The following ECT2 variants were observed in gnomAD, a reference collection of about 807,000 sequenced individuals.
ECT2 encodes the protein protein ECT2.
ECT2 carries 61 observed loss-of-function variants against 116.9 expected under a neutral mutation model. That is an observed-to-expected ratio of 0.52 (90% CI 0.42 to 0.65). The LOEUF (loss-of-function observed/expected upper bound fraction) is 0.65. Among genes scored for constraint, ECT2 ranks in the 30% least tolerant of loss-of-function variants. ECT2 has a pLI of 0.00. For missense variants in ECT2, 937 were observed against 1,078.7 expected (o/e 0.87, Z 1.84); for synonymous variants, 358 against 346.4 (o/e 1.03, Z -0.37).
intron 18 of ECT2, among the ~76,000 whole-genome samples, chr3:172,789,057 C>CA (rs71162310): frequency 0.62 from 61,501 of 99,442 alleles, 18,497 homozygotes; most frequent in East Asian, 0.71. Flanking sequence ...GACTCTGTCT[C>CA]AAAAAAAAAA....
intron 14 of ECT2, among the ~76,000 whole-genome samples, chr3:172,776,069 G>GA (rs1260567579): frequency 6.6e-6 from 1 of 152,022 alleles, no homozygotes; most frequent in Non-Finnish European, 1.5e-5. Flanking sequence ...TCTTAATTTA[G>GA]AAAATCATAT....
intron 18 of ECT2, among the ~76,000 whole-genome samples, chr3:172,788,220 T>C (rs1429990708): frequency 2.6e-5 from 4 of 152,204 alleles, no homozygotes; most frequent in Non-Finnish European, 4.4e-5. Context: ...CTATCAGATA[T>C]AGGAAATAAT....
intron 21 of ECT2, 89 bp downstream of exon 21, chr3:172,805,958 G>A: frequency 1.5e-6 from 2 of 1,362,282 alleles, no homozygotes; most frequent in African/African-American, 1.5e-5. Flanking sequence ...TTTTTAAATT[G>A]GTAAATTATC....
chr3:172,793,664 A>G (rs547112106), intron 18 of ECT2, among the ~76,000 whole-genome samples: 2 of 151,938 alleles, frequency 1.3e-5, no homozygotes, highest in Non-Finnish European at 1.5e-5. Context: ...GAGTTTCACC[A>G]TGTTGGCCAG....
chr3:172,762,326 C>A, intron 8 of ECT2, 90 bp from the exon 9 acceptor site: 1 of 1,327,706 alleles, frequency 7.5e-7, no homozygotes, highest in Non-Finnish European at 1.0e-6. Context: ...TATGCCAAGA[C>A]CTTGAAAATT....
intron 12 of ECT2, among the ~76,000 whole-genome samples, chr3:172,768,416 A>C (rs1719946868): frequency 6.6e-6 from 1 of 152,198 alleles, no homozygotes. Flanking sequence ...ACACACGTGC[A>C]CATGTATTTT....
At chr3:172,756,525 ATTATT>A (rs1304201547) in intron 4 of ECT2, among the ~76,000 whole-genome samples, 5 of 152,178 alleles carry the variant, frequency 3.3e-5, no homozygotes, top group Non-Finnish European at 7.4e-5. Context: ...GTGCTATAGT[ATTATT>A]TTCCTATTTT....
intron 18 of ECT2, among the ~76,000 whole-genome samples, chr3:172,790,497 G>A (rs950370524): frequency 3.9e-5 from 6 of 152,212 alleles, no homozygotes; most frequent in African/African-American, 1.4e-4. Context: ...GTCCACTGCA[G>A]CCTGGCACTG....
chr3:172,780,523 G>A (rs535692389), intron 14 of ECT2, among the ~76,000 whole-genome samples: 27 of 152,106 alleles, frequency 1.8e-4, no homozygotes, highest in African/African-American at 6.5e-4. Context: ...AAAATGCCAG[G>A]GTTTTCCCAT....
chr3:172,801,635 C>T (rs1377107261), intron 18 of ECT2, among the ~76,000 whole-genome samples: 1 of 152,242 alleles, frequency 6.6e-6, no homozygotes, highest in African/African-American at 2.4e-5. Flanking sequence ...TCTGATCACA[C>T]TGGACTCCCA....
intron 18 of ECT2, among the ~76,000 whole-genome samples, chr3:172,794,989 G>A (rs1725352773): frequency 6.6e-6 from 1 of 152,074 alleles, no homozygotes; most frequent in Non-Finnish European, 1.5e-5. Context: ...TTCGATTACA[G>A]GCATGAGCCA....
intron 8 of ECT2, among the ~76,000 whole-genome samples, chr3:172,762,058 G>A (rs750112549): frequency 3.3e-5 from 5 of 152,112 alleles, no homozygotes; most frequent in African/African-American, 9.6e-5. Flanking sequence ...TTTTCCAAGC[G>A]CATGATTTCT....
At chr3:172,793,807 T>G (rs1725126028) in intron 18 of ECT2, among the ~76,000 whole-genome samples, 1 of 152,196 alleles carries the variant, frequency 6.6e-6, no homozygotes, top group African/African-American at 2.4e-5. Context: ...GATGTTTGGT[T>G]GTCTTTCCTG....
chr3:172,779,001 A>G (rs1722245349), intron 14 of ECT2, among the ~76,000 whole-genome samples: 1 of 152,224 alleles, frequency 6.6e-6, no homozygotes, highest in African/African-American at 2.4e-5. Context: ...TCTTAGAGCA[A>G]TGTTCTTATG....
chr3:172,784,368 T>C (rs543939592), intron 16 of ECT2, among the ~76,000 whole-genome samples: 13 of 152,196 alleles, frequency 8.5e-5, no homozygotes, highest in African/African-American at 3.1e-4. Context: ...CTTTTAATGA[T>C]TTTTTTTCTT....
intron 8 of ECT2, among the ~76,000 whole-genome samples, 188 bp from the exon 9 acceptor site, chr3:172,762,228 T>G (rs561056734): frequency 6.6e-6 from 1 of 152,296 alleles, no homozygotes; most frequent in African/African-American, 2.4e-5. Context: ...AGAAGTTACT[T>G]TTGGGATGAC....
At chr3:172,799,438 C>G (rs1224769836) in intron 18 of ECT2, among the ~76,000 whole-genome samples, 1 of 152,184 alleles carries the variant, frequency 6.6e-6, no homozygotes, top group African/African-American at 2.4e-5. Context: ...TGATGACACT[C>G]CTACCCCTCT....
At chr3:172,770,004 C>T (rs946849344) in intron 13 of ECT2, among the ~76,000 whole-genome samples, 3 of 152,120 alleles carry the variant, frequency 2.0e-5, no homozygotes, top group African/African-American at 7.2e-5. Context: ...CTTTAAGTTG[C>T]TTGTACCATT....
At chr3:172,775,862 G>A (rs1461027120) in intron 14 of ECT2, among the ~76,000 whole-genome samples, 2 of 152,034 alleles carry the variant, frequency 1.3e-5, no homozygotes, top group Admixed American at 1.3e-4. Flanking sequence ...TTGAACTCCT[G>A]ACCTCAAGTG....
Sources: allele counts gnomAD v4.1 joint callset (sites outside exome capture counted in the v4.1 genomes callset), GRCh38; gene constraint gnomAD v4.1.1; transcripts MANE v1.5; gene names NCBI Gene and HGNC (gene_info 2026-07-23, HGNC 2026-07-21).